LINGO2: variants seen among roughly 807,000 people sequenced by gnomAD.
LINGO2 encodes the protein leucine rich repeat and Ig domain containing 2, also known as leucine-rich repeat and immunoglobulin-like domain-containing nogo receptor-interacting protein 2.
Under a neutral mutation model 30.6 loss-of-function variants are expected in LINGO2, and 14 were observed. That is an observed-to-expected ratio of 0.46 (90% confidence interval 0.30 to 0.72). LINGO2 has a LOEUF of 0.72. Among genes scored for constraint, LINGO2 ranks in the 30% least tolerant of loss-of-function variants. The probability of loss-of-function intolerance (pLI) is 0.07; values close to 1 mark genes in which losing one functional copy is unlikely to be tolerated. For missense variants in LINGO2, 729 were observed against 751.7 expected, an observed-to-expected ratio of 0.97 and a Z score of 0.35; for synonymous variants, 317 against 288.5, an observed-to-expected ratio of 1.10 and a Z score of -1.00.
At chr9:28,209,650 T>C (rs1045182871) in intron 4 of LINGO2, among the ~76,000 whole-genome samples, 3 of 151,834 alleles carry the variant, frequency 2.0e-5, no homozygotes, top group South Asian at 4.1e-4. Flanking sequence ...TAAAGCTCTC[T>C]GTGTCTCGGA....
At chr9:29,189,663 C>T in the LINGO2 span, among the ~76,000 whole-genome samples, 551 of 152,134 alleles carry the variant, frequency 3.6e-3, 5 homozygotes, top group Non-Finnish European at 5.3e-3. Context: ...CCAAGGCAGG[C>T]GGCTGGGAGG....
rs1032999069 is a variant in LINGO2 at position 28,190,187 on chromosome 9, T to C, written c.-87+105021A>G. Among the ~76,000 whole-genome samples the C allele has an allele frequency of 9.2e-5, 14 of 152,276 alleles. No homozygotes were observed. In the East Asian group the frequency reaches 1.2e-3, roughly 13 times the overall value. ...GTCTTGTCCATACCTTCAGAATTCC[T>C]GAGCTGTTTTGTCCATAAATGGGCT... On this transcript the variant is annotated intron_variant, in intron 4 of 5. Coordinates refer to ENST00000379992, the Ensembl canonical transcript of LINGO2.
chr9:28,973,862 C>T, the LINGO2 span, among the ~76,000 whole-genome samples: 36 of 152,232 alleles, frequency 2.4e-4, no homozygotes, highest in Non-Finnish European at 2.9e-4. Context: ...GGGATTTCAT[C>T]AACATGAGAC....
the LINGO2 span, among the ~76,000 whole-genome samples, chr9:29,131,415 G>A: frequency 6.6e-6 from 1 of 152,146 alleles, no homozygotes; most frequent in Admixed American, 6.6e-5. Context: ...CACCAGTCCA[G>A]CTTGGGCAAA....
intron 1 of LINGO2, among the ~76,000 whole-genome samples, chr9:28,508,824 T>G (rs1002795036): frequency 6.6e-6 from 1 of 152,074 alleles, no homozygotes; most frequent in Non-Finnish European, 1.5e-5. Context: ...TCTCCCTACC[T>G]TTGATGATTT....
chr9:28,410,937 T>C (rs145112545), intron 2 of LINGO2, among the ~76,000 whole-genome samples: 1 of 152,198 alleles, frequency 6.6e-6, no homozygotes, highest in East Asian at 1.9e-4. Context: ...GTCTGGTTCC[T>C]TACCAATTGC....
the LINGO2 span, among the ~76,000 whole-genome samples, chr9:28,769,510 ATATATATATTTTTTTTTTTTTTTTTTT>A: frequency 2.9e-3 from 7 of 2,398 alleles, 2 homozygotes; most frequent in East Asian, 0.038. Context: ...ATATATATAT[ATATATATATTTTTTTTTTTTTTTTTTT>A]TTTTTTTTAC....
the LINGO2 span, among the ~76,000 whole-genome samples, chr9:29,087,277 G>A: frequency 6.6e-5 from 10 of 152,186 alleles, no homozygotes; most frequent in African/African-American, 2.4e-4. Flanking sequence ...CTCACCTGTG[G>A]TATGGCAGTG....
intron 2 of LINGO2, among the ~76,000 whole-genome samples, chr9:28,406,211 A>G (rs997227969): frequency 1.3e-5 from 2 of 152,088 alleles, no homozygotes; most frequent in Non-Finnish European, 2.9e-5. Flanking sequence ...GGAGGTGGGC[A>G]GATCACTTGA....
the LINGO2 span, chr9:28,888,912 G>T: frequency 3.7e-6 from 2 of 533,914 alleles, no homozygotes; most frequent in African/African-American, 3.9e-5. Flanking sequence ...TCAGTCTCCT[G>T]TTCATTTTCA....
At chr9:29,071,090 T>C in the LINGO2 span, among the ~76,000 whole-genome samples, 3 of 150,642 alleles carry the variant, frequency 2.0e-5, no homozygotes, top group East Asian at 3.9e-4. Flanking sequence ...TATAATTGTA[T>C]ATATATGATG....
rs10968704 is a variant in LINGO2 at position 28,657,946 on chromosome 9, T to G, written c.-365+12254A>C. Among the ~76,000 whole-genome samples the G allele has an allele frequency of 1.6e-4, 24 of 152,148 alleles. No homozygotes were observed. The East Asian group carries it at 4.6e-3, about 29-fold the overall frequency. On this transcript the variant is annotated intron_variant, in intron 1 of 5. Coordinates refer to ENST00000379992, the Ensembl canonical transcript of LINGO2. The stretch of plus-strand genomic sequence containing the variant: ...CCCACAAGTTGTTATCTAATGCATT[T>G]TTATCTTCATTACTCTTGAGATATT...
At chr9:28,455,514 C>T (rs564565320) in intron 2 of LINGO2, among the ~76,000 whole-genome samples, 5 of 152,046 alleles carry the variant, frequency 3.3e-5, no homozygotes, top group African/African-American at 7.2e-5. Flanking sequence ...AAACATAGAA[C>T]GTACAATCAA....
chr9:28,067,608 GATTAAAAA>G (rs1013330430), intron 4 of LINGO2, among the ~76,000 whole-genome samples: 2 of 152,000 alleles, frequency 1.3e-5, no homozygotes, highest in African/African-American at 2.4e-5. Flanking sequence ...ACAGGGTGTG[GATTAAAAA>G]ATTAACACTC....
chr9:28,046,639 C>CATTAT (rs1792437835), intron 4 of LINGO2, among the ~76,000 whole-genome samples: 1 of 152,082 alleles, frequency 6.6e-6, no homozygotes, highest in Non-Finnish European at 1.5e-5. Context: ...AATTTCTGTT[C>CATTAT]ATTATATTTT....
At chr9:28,992,710 T>C in the LINGO2 span, among the ~76,000 whole-genome samples, 50 of 152,128 alleles carry the variant, frequency 3.3e-4, no homozygotes, top group Middle Eastern at 3.4e-3. Flanking sequence ...ATTAAGAAAC[T>C]CACTCAAAAC....
At chr9:28,075,109 C>G (rs1035567980) in intron 4 of LINGO2, among the ~76,000 whole-genome samples, 4 of 151,858 alleles carry the variant, frequency 2.6e-5, no homozygotes, top group Non-Finnish European at 4.4e-5. Context: ...GCATTCAGAA[C>G]TTTTTATCAT....
At chr9:27,945,539 T>C (rs1486592410), downstream of LINGO2, among the ~76,000 whole-genome samples, 2 of 152,048 alleles carry the variant, frequency 1.3e-5, no homozygotes, top group Non-Finnish European at 2.9e-5. Flanking sequence ...TGGAGTGAAA[T>C]GCTGAGTCAA....
At chr9:27,939,932 A>C in the LINGO2 span, 1 of 152,230 alleles carries the variant, frequency 6.6e-6, no homozygotes, top group Non-Finnish European at 1.5e-5. Context: ...CACTATAGAT[A>C]TAACTTTCAC....
Sources: gnomAD v4.1 joint callset for allele counts (sites outside exome capture counted in the v4.1 genomes callset) on GRCh38, gnomAD v4.1.1 for gene constraint, MANE v1.5 for transcripts, NCBI Gene and HGNC (gene_info 2026-07-23, HGNC 2026-07-21) for gene names.